UIMC1: variants seen among roughly 807,000 people sequenced by gnomAD.
The protein encoded by UIMC1 is BRCA1-A complex subunit RAP80.
A neutral mutation model predicts 84.9 loss-of-function variants in UIMC1; 42 were observed. That is an observed-to-expected ratio of 0.49 (90% CI 0.39 to 0.64). The LOEUF is 0.64. Ranked by LOEUF, UIMC1 falls within the 30% of genes least tolerant of loss-of-function variation. The pLI is 0.00. For synonymous variants in UIMC1, 281 were observed against 293.0 expected (o/e 0.96, Z 0.42); for missense variants, 825 against 847.6 (o/e 0.97, Z 0.33).
intron 10 of UIMC1, among the ~76,000 whole-genome samples, chr5:176,914,991 C>T (rs1012129081): frequency 6.6e-6 from 1 of 152,164 alleles, no homozygotes; most frequent in Non-Finnish European, 1.5e-5. Context: ...ATTACAGAAT[C>T]CTTTAGGAGT....
intron 1 of UIMC1, among the ~76,000 whole-genome samples, chr5:176,989,219 A>G (rs1772461621): frequency 6.6e-6 from 1 of 152,196 alleles, no homozygotes; most frequent in African/African-American, 2.4e-5. Context: ...AAGGATTAAA[A>G]AATTCTAAAT....
intron 1 of UIMC1, among the ~76,000 whole-genome samples, chr5:177,012,789 T>C (rs1338927976): frequency 6.6e-6 from 1 of 152,068 alleles, no homozygotes; most frequent in African/African-American, 2.4e-5. Context: ...TAAAAACTCA[T>C]TTGTGCCCAT....
chr5:176,990,136 G>A (rs1295841382), intron 1 of UIMC1, among the ~76,000 whole-genome samples: 3 of 151,084 alleles, frequency 2.0e-5, no homozygotes, highest in South Asian at 2.1e-4. Context: ...AGCCGAGATC[G>A]AGCCACTGCA....
chr5:176,927,153 A>C (rs1235295760), intron 10 of UIMC1, among the ~76,000 whole-genome samples: 1 of 150,534 alleles, frequency 6.6e-6, no homozygotes, highest in Non-Finnish European at 1.5e-5. Flanking sequence ...ACTTGAGCCC[A>C]GGAGTTCAAG....
Position 177,013,243 on chromosome 5 carries a change from C to A in UIMC1, c.-9+9221G>T, listed in dbSNP as rs1427366759. Reference sequence around the variant, plus strand: ...GGGCTTGGTGGTGCACATCTGTAATCCCAGCTACTTGGAAGGCTGAGGCAG... The same window carrying A: ...GGGCTTGGTGGTGCACATCTGTAATACCAGCTACTTGGAAGGCTGAGGCAG... On this transcript the variant is annotated intron_variant, in intron 1 of 5. Transcript: ENST00000509236. 2.0e-5 allele frequency among the ~76,000 whole-genome samples: 3 copies of A among 151,868 alleles called. No homozygotes were observed. The East Asian group carries it at 5.8e-4, about 29-fold the overall frequency.
At chr5:177,019,945 T>C (rs1775753134) in intron 1 of UIMC1, among the ~76,000 whole-genome samples, 1 of 151,358 alleles carries the variant, frequency 6.6e-6, no homozygotes, top group Non-Finnish European at 1.5e-5. Context: ...AAAAAAATTG[T>C]AAAACACTGG....
intron 1 of UIMC1, among the ~76,000 whole-genome samples, chr5:177,001,714 C>T (rs71601329): frequency 2.1e-4 from 31 of 149,112 alleles, no homozygotes; most frequent in Admixed American, 2.0e-3. Context: ...TGAGGGGGGG[C>T]GGATCACAAG....
At chr5:177,013,862 G>T (rs574930473) in intron 1 of UIMC1, among the ~76,000 whole-genome samples, 7 of 152,156 alleles carry the variant, frequency 4.6e-5, no homozygotes, top group African/African-American at 1.4e-4. Flanking sequence ...TTTGTGAAGT[G>T]GTATCTACCA....
chr5:176,975,504 T>C, intron 2 of UIMC1, 24 bp from the exon 3 acceptor site: 3 of 1,612,148 alleles, frequency 1.9e-6, no homozygotes, highest in Non-Finnish European at 2.5e-6. Flanking sequence ...AGAAATATCA[T>C]CAGTGTGGCT....
intron 11 of UIMC1, among the ~76,000 whole-genome samples, 161 bp downstream of exon 11, chr5:176,911,147 AAAG>A (rs1162303996): frequency 4.1e-5 from 3 of 73,258 alleles, no homozygotes; most frequent in Admixed American, 3.7e-4. Context: ...AAAGAAAAGA[AAAG>A]AAAAGAAAAG....
intron 10 of UIMC1, among the ~76,000 whole-genome samples, chr5:176,925,072 A>AAGT (rs1367527575): frequency 6.6e-6 from 1 of 152,072 alleles, no homozygotes; most frequent in Non-Finnish European, 1.5e-5. Context: ...ATGAATAGGC[A>AAGT]AGTACACGCT....
At chr5:176,910,714 G>A (rs1282374721) in intron 11 of UIMC1, among the ~76,000 whole-genome samples, 1 of 152,240 alleles carries the variant, frequency 6.6e-6, no homozygotes, top group Non-Finnish European at 1.5e-5. Flanking sequence ...CAATGCAGAA[G>A]TGGAGTGGGT....
At chr5:176,942,317 A>G (rs1764535406) in intron 10 of UIMC1, among the ~76,000 whole-genome samples, 1 of 152,204 alleles carries the variant, frequency 6.6e-6, no homozygotes, top group South Asian at 2.1e-4. Flanking sequence ...TTCTGAATGA[A>G]AAACGTGGAA....
At chr5:176,969,541 G>A in intron 5 of UIMC1, 60 bp downstream of exon 5, 1 of 1,538,670 alleles carries the variant, frequency 6.5e-7, no homozygotes, top group Non-Finnish European at 9.0e-7. Flanking sequence ...CTCTCAGCAT[G>A]AGATCCCTGT....
rs768619129 is a variant in UIMC1 at position 176,968,891 on chromosome 5, G to A, written c.864C>T (p.Asp288=). Residue 288 remains aspartate (D), a synonymous_variant, in exon 6 of 15, where the codon GAC becomes GAT. Coordinates refer to ENST00000511320, the MANE Select transcript of UIMC1 (RefSeq NM_001199298.2). ...WGIPFCPDGV[D]PNQYTKVILC... ...GAATGACCTTGGTATACTGGTTAGGGTCTACTCCATCAGGGCAGAATGGAA... is the reference window on the plus strand; with the variant it reads ...GAATGACCTTGGTATACTGGTTAGGATCTACTCCATCAGGGCAGAATGGAA... 6.2e-7 allele frequency: 1 copy of A among 1,614,048 alleles called. No individual in the cohort carries two copies. The highest frequency in any genetic ancestry group is 8.5e-7 in the Non-Finnish European group (1 of 1,179,978).
At chr5:176,993,569 C>T (rs1188682752) in intron 1 of UIMC1, among the ~76,000 whole-genome samples, 1 of 152,074 alleles carries the variant, frequency 6.6e-6, no homozygotes, top group East Asian at 1.9e-4. Context: ...GTACGTTCTG[C>T]ACATGTACCC....
intron 10 of UIMC1, among the ~76,000 whole-genome samples, chr5:176,922,294 G>T (rs1443022422): frequency 6.6e-6 from 1 of 152,188 alleles, no homozygotes; most frequent in Non-Finnish European, 1.5e-5. Context: ...ATACCAACTG[G>T]GTTGTCAGTA....
chr5:176,942,425 G>A (rs1011756826), intron 10 of UIMC1, among the ~76,000 whole-genome samples: 1 of 152,110 alleles, frequency 6.6e-6, no homozygotes, highest in Admixed American at 6.5e-5. Flanking sequence ...CTATGTAAAA[G>A]AATAAGTTAA....
At chr5:177,000,198 G>A (rs913748126) in intron 1 of UIMC1, among the ~76,000 whole-genome samples, 7 of 152,048 alleles carry the variant, frequency 4.6e-5, no homozygotes, top group South Asian at 4.1e-4. Context: ...CTCATGATCC[G>A]CCGCCTCGGC....
Sources: allele counts gnomAD v4.1 joint callset (sites outside exome capture counted in the v4.1 genomes callset), GRCh38; gene constraint gnomAD v4.1.1; transcripts MANE v1.5; gene names NCBI Gene and HGNC (gene_info 2026-07-23, HGNC 2026-07-21).